Variants in UMPS observed in about 807,000 individuals in gnomAD.
The protein encoded by UMPS is uridine 5'-monophosphate synthase.
Under a neutral mutation model 38.9 loss-of-function variants are expected in UMPS, and 21 were observed. The ratio of observed to expected loss-of-function variants is 0.54; its 90% CI spans 0.38 to 0.78. The LOEUF (loss-of-function observed/expected upper bound fraction) is 0.78. UMPS is among the 30% of genes least tolerant of loss of function. UMPS has a pLI of 0.00. For missense variants in UMPS, 533 were observed against 591.6 expected, an observed-to-expected ratio of 0.90 and a Z score of 1.03; for synonymous variants, 208 against 219.3, an observed-to-expected ratio of 0.95 and a Z score of 0.45.
intron 1 of UMPS, among the ~76,000 whole-genome samples, chr3:124,734,870 A>C (rs1386370091): frequency 6.6e-6 from 1 of 152,066 alleles, no homozygotes; most frequent in African/African-American, 2.4e-5. Context: ...AATACAAAAA[A>C]ATTAGCTGGG....
chr3:124,742,008 G>C, intron 4 of UMPS, 144 bp from the exon 5 acceptor site: 1 of 705,436 alleles, frequency 1.4e-6, no homozygotes, highest in Non-Finnish European at 2.4e-6. Flanking sequence ...TTGAGCCCAG[G>C]GGTTCAAGAC....
rs397844102 is a variant in UMPS, at chr3:124,746,284, TC to T, written c.*2202del. 2,869 of 454,096 alleles carry T rather than the reference TC, an allele frequency of 6.3e-3. 61 individuals are homozygous for T. Among genetic ancestry groups the T allele is most frequent in the African/African-American group, 0.051 (2,550 of 50,122 alleles). 28.1% of individuals were successfully genotyped at this position (454,096 alleles called of 1,614,324 possible). A position where few individuals can be genotyped will look rare whatever the true frequency, so the allele number is the denominator to read the frequency against. On this transcript the variant is annotated 3_prime_UTR_variant, in exon 6 of 6. Transcript: ENST00000232607. ...CCCTGCCACTTACTGAAAGTGTAGG[TC>T]CTTGTGCCCCACACCATCAGAGTTT...
intron 1 of UMPS, among the ~76,000 whole-genome samples, chr3:124,731,208 AAAAC>A (rs1379748014): frequency 3.5e-5 from 5 of 141,004 alleles, no homozygotes; most frequent in Non-Finnish European, 6.4e-5. Context: ...CTGCCCTCAA[AAAAC>A]AAACAAATAG....
At position 124,744,451 on chromosome 3, in the gene UMPS, G is replaced by C. The variant is rs1167695331; in HGVS notation, c.*367G>C. 4.4e-6 allele frequency: 2 copies of C among 454,432 alleles called. No homozygotes were observed. Among genetic ancestry groups the C allele is most frequent in the Non-Finnish European group, 8.8e-6 (2 of 227,156 alleles). 28.1% of individuals were successfully genotyped at this position (454,432 alleles called of 1,614,324 possible). A position where few individuals can be genotyped will look rare whatever the true frequency, so the allele number is the denominator to read the frequency against. On this transcript the variant is annotated 3_prime_UTR_variant, in exon 6 of 6. Coordinates refer to ENST00000232607, the MANE Select transcript of UMPS (RefSeq NM_000373.4). ...TTTTTTCGAGACAGGATCTCACTCTGTTGCCCAGGATGGAGTGCAGTGGTG... is the reference window on the plus strand; with the variant it reads ...TTTTTTCGAGACAGGATCTCACTCTCTTGCCCAGGATGGAGTGCAGTGGTG...
In UMPS at chr3:124,730,461, A is replaced by C; in HGVS notation, c.-11A>C. Reference sequence around the variant, plus strand: ...GCCTGGGAATTTGAAGCAAACAGGCAGCGCGCGACAATGGCGGTCGCTCGT... The same window carrying C: ...GCCTGGGAATTTGAAGCAAACAGGCCGCGCGCGACAATGGCGGTCGCTCGT... On this transcript the variant is annotated 5_prime_UTR_variant, in exon 1 of 6. Transcript: ENST00000232607. 6.2e-7 allele frequency: 1 copy of C among 1,614,020 alleles called. No individual in the cohort carries two copies. The highest frequency in any genetic ancestry group is 1.1e-5 in the South Asian group (1 of 91,076).
rs202135467 is a variant in UMPS at position 124,740,104 on chromosome 3, C to A, written c.1063C>A (p.Gln355Lys). 88 of 1,614,110 alleles carry A rather than the reference C, an allele frequency of 5.5e-5. No individual in the cohort carries two copies. In the African/African-American group the frequency reaches 1.0e-3, roughly 19 times the overall value. ...VPGSGVVKGLQEVGLPLHRGC... is the reference protein window; with the variant it reads ...VPGSGVVKGLKEVGLPLHRGC... ...AGGCTCAGGAGTTGTGAAAGGCCTG[C>A]AAGAAGTGGGCCTGCCTTTGCATCG... The change falls in exon 4 of 6, where the codon CAA (glutamine) becomes AAA (lysine). Residue 355 changes from glutamine (Q) to lysine (K), a missense_variant. Transcript: ENST00000232607.
In UMPS at chr3:124,748,417, C is replaced by T. The variant is rs998274442; in HGVS notation, c.*4333C>T. The T allele has an allele frequency of 1.3e-5, 6 of 453,746 alleles. No homozygotes were observed. Among genetic ancestry groups the T allele is most frequent in the African/African-American group, 8.0e-5 (4 of 49,928 alleles). 28.1% of individuals were successfully genotyped at this position (453,746 alleles called of 1,614,324 possible). A position where few individuals can be genotyped will look rare whatever the true frequency, so the allele number is the denominator to read the frequency against. On this transcript the variant is annotated 3_prime_UTR_variant, in exon 6 of 6. Coordinates refer to ENST00000232607, the MANE Select transcript of UMPS (RefSeq NM_000373.4). ...CCCCATAACCCTTCCAAAGGAAGGC[C>T]GCAATAGAAATACAAAGAGAAACAA...
At position 124,745,242 on chromosome 3, in the gene UMPS, C is replaced by T. The variant is rs535879125; in HGVS notation, c.*1158C>T. On this transcript the variant is annotated 3_prime_UTR_variant, in exon 6 of 6. Transcript: ENST00000232607. ...GTGAGGGCTGTCCCGGTGCTCATTGCACCAGCACACTCACATTCCTTCTCA... is the reference window on the plus strand; with the variant it reads ...GTGAGGGCTGTCCCGGTGCTCATTGTACCAGCACACTCACATTCCTTCTCA... The T allele has an allele frequency of 1.8e-5, 8 of 454,126 alleles. No homozygotes were observed. The East Asian group carries it at 4.2e-4, about 24-fold the overall frequency. 28.1% of individuals were successfully genotyped at this position (454,126 alleles called of 1,614,324 possible).
chr3:124,740,623 T>C (rs2063549813), intron 4 of UMPS, among the ~76,000 whole-genome samples: 1 of 152,190 alleles, frequency 6.6e-6, no homozygotes, highest in Non-Finnish European at 1.5e-5. Context: ...CTTTCTCTTA[T>C]TCTTGTCAGA....
chr3:124,745,353 A>G lies in UMPS; in HGVS notation c.*1269A>G, dbSNP rs775926653. The G allele has an allele frequency of 2.2e-6, 1 of 444,770 alleles. No individual in the cohort carries two copies. The highest frequency in any genetic ancestry group is 1.6e-5 in the South Asian group (1 of 63,988). 27.6% of individuals were successfully genotyped at this position (444,770 alleles called of 1,614,324 possible). A position where few individuals can be genotyped will look rare whatever the true frequency, so the allele number is the denominator to read the frequency against. ...ATGGCCCACTGTTCTTTAATGACTC[A>G]GAGGAATGCCTAGGATTTTTTTTTT... On this transcript the variant is annotated 3_prime_UTR_variant, in exon 6 of 6. Coordinates refer to ENST00000232607, the MANE Select transcript of UMPS (RefSeq NM_000373.4).
chr3:124,743,884 T>C (rs769882658), intron 5 of UMPS, 31 bp from the exon 6 acceptor site: 67 of 1,610,084 alleles, frequency 4.2e-5, no homozygotes, highest in South Asian at 5.5e-5. Flanking sequence ...TTTTGTATTA[T>C]GTGAAACAAC....
At position 124,744,123 on chromosome 3, in the gene UMPS, T is replaced by C. The variant is rs370680759; in HGVS notation, c.*39T>C. ...ATTTTTCAGATACAATGTGAAGACA[T>C]TGAAGATATGTGGTCCTCCTGAAAG... On this transcript the variant is annotated 3_prime_UTR_variant, in exon 6 of 6. Transcript: ENST00000232607. 88 of 1,610,178 alleles carry C rather than the reference T, an allele frequency of 5.5e-5. No homozygotes were observed. Among genetic ancestry groups the C allele is most frequent in the African/African-American group, 9.4e-5 (7 of 74,850 alleles).
intron 1 of UMPS, among the ~76,000 whole-genome samples, chr3:124,734,630 ATTTG>A (rs1464314394): frequency 6.6e-6 from 1 of 151,812 alleles, no homozygotes; most frequent in African/African-American, 2.4e-5. Flanking sequence ...ATAAAAAGGC[ATTTG>A]TTTTTTTTTC....
intron 3 of UMPS, among the ~76,000 whole-genome samples, chr3:124,738,918 CA>C: frequency 6.6e-6 from 1 of 152,172 alleles, no homozygotes; most frequent in Non-Finnish European, 1.5e-5. Context: ...ATATTTAATG[CA>C]TTTTTCACTT....
In UMPS at chr3:124,739,921, A is replaced by G. The variant is rs1372729272; in HGVS notation, c.983-103A>G. ...GAAGAGTTTTGATTCTCTCATTAAC[A>G]TGTTACTGGGAGATTATTTCATATT... On this transcript the variant is annotated intron_variant, in intron 3 of 5. Coordinates refer to ENST00000232607, the MANE Select transcript of UMPS (RefSeq NM_000373.4). 5.4e-6 allele frequency: 6 copies of G among 1,121,166 alleles called. No individual in the cohort carries two copies. The East Asian group carries it at 7.3e-5, about 14-fold the overall frequency. 69.5% of individuals were successfully genotyped at this position (1,121,166 alleles called of 1,614,324 possible).
Position 124,747,068 on chromosome 3 carries a change from G to A in UMPS, c.*2984G>A. ...TGTTGCCCAGGCTGGAGTATATCAT[G>A]GCTCACTGCAACCTTGACTTGGGCT... On this transcript the variant is annotated 3_prime_UTR_variant, in exon 6 of 6. Transcript: ENST00000232607. The A allele has an allele frequency of 2.2e-6, 1 of 453,560 alleles. No individual in the cohort carries two copies. Among genetic ancestry groups the A allele is most frequent in the South Asian group, 1.6e-5 (1 of 64,404 alleles). 28.1% of individuals were successfully genotyped at this position (453,560 alleles called of 1,614,324 possible).
At chr3:124,735,357 A>G (rs1175999631) in intron 2 of UMPS, 111 bp downstream of exon 2, 1 of 993,306 alleles carries the variant, frequency 1.0e-6, no homozygotes, top group Non-Finnish European at 1.5e-6. Flanking sequence ...GAGTTCTTTA[A>G]GTTGTTACTG....
At position 124,738,185 on chromosome 3, in the gene UMPS, T is replaced by A. The variant is rs755476006; in HGVS notation, c.928T>A (p.Phe310Ile). ...TLAKCHEFLI[F>I]EDRKFADIGN... ...GGCAAAATGCCATGAGTTCTTGATA[T>A]TTGAAGACCGGAAGTTTGCAGATAT... The change falls in exon 3 of 6, where the codon TTT (phenylalanine) becomes ATT (isoleucine). Residue 310 changes from phenylalanine to isoleucine, a missense_variant. Physicochemically the swap from Phe to Ile is conservative, Grantham distance 21. Transcript: ENST00000232607. 1.9e-6 allele frequency: 3 copies of A among 1,614,072 alleles called. No individual in the cohort carries two copies. In the Admixed American group the frequency reaches 5.0e-5, roughly 27 times the overall value.
At chr3:124,743,639 AAAAAATAAATAAAT>A (rs1306090567) in intron 5 of UMPS, among the ~76,000 whole-genome samples, 3 of 147,662 alleles carry the variant, frequency 2.0e-5, no homozygotes, top group East Asian at 2.0e-4. Context: ...CTCCGTCTCA[AAAAAATAAATAAAT>A]AAAAATAAAT....
Sources: allele counts gnomAD v4.1 joint callset (sites outside exome capture counted in the v4.1 genomes callset), GRCh38; gene constraint gnomAD v4.1.1; transcripts MANE v1.5; gene names NCBI Gene and HGNC (gene_info 2026-07-23, HGNC 2026-07-21).